Variants in SPARC observed in about 807,000 individuals in gnomAD.
SPARC encodes basement-membrane protein 40.
In SPARC, 23 loss-of-function variants were observed where a neutral mutation model predicts 37.7. The observed-to-expected ratio is 0.61, with a 90% CI of 0.44 to 0.87. The LOEUF (loss-of-function observed/expected upper bound fraction) is 0.87, where lower values mean the gene tolerates loss of function less well. Among genes scored for constraint, SPARC ranks in the 40% least tolerant of loss-of-function variants. SPARC has a pLI of 0.00. For synonymous variants in SPARC, 155 were observed against 150.8 expected, an observed-to-expected ratio of 1.03 and a Z score of -0.20; for missense variants, 312 against 389.0, an observed-to-expected ratio of 0.80 and a Z score of 1.66.
chr5:151,673,915 G>A (rs1259098807), intron 3 of SPARC, among the ~76,000 whole-genome samples: 2 of 151,184 alleles, frequency 1.3e-5, no homozygotes, highest in Non-Finnish European at 2.9e-5. Context: ...TTCACAAGAG[G>A]GTGTCAAGCC....
chr5:151,674,011 T>G (rs1439043465), intron 3 of SPARC, among the ~76,000 whole-genome samples: 1 of 118,622 alleles, frequency 8.4e-6, no homozygotes, highest in African/African-American at 3.0e-5. Context: ...TGTGTGTGCT[T>G]GTTTGTTTGT....
At chr5:151,684,261 A>G (rs1416858551) in intron 1 of SPARC, among the ~76,000 whole-genome samples, 1 of 152,150 alleles carries the variant, frequency 6.6e-6, no homozygotes, top group East Asian at 1.9e-4. Context: ...TTTGAATAAA[A>G]GCGGTATCTG....
intron 8 of SPARC, 77 bp from the exon 9 acceptor site, chr5:151,664,312 T>A (rs1042044625): frequency 7.3e-6 from 10 of 1,372,762 alleles, no homozygotes; most frequent in Non-Finnish European, 1.0e-5. Flanking sequence ...ACCGGGGAGT[T>A]AGCCTGCCCC....
intron 6 of SPARC, among the ~76,000 whole-genome samples, chr5:151,668,669 A>C (rs1036995858): frequency 6.6e-6 from 1 of 151,960 alleles, no homozygotes; most frequent in African/African-American, 2.4e-5. Flanking sequence ...TCTGGTGATA[A>C]AAACCTTAGG....
chr5:151,681,505 C>T (rs551804207), intron 1 of SPARC, among the ~76,000 whole-genome samples: 15 of 152,224 alleles, frequency 9.9e-5, no homozygotes, highest in Non-Finnish European at 1.6e-4. Context: ...AAGTCTTCTG[C>T]AGAGTCCGAT....
At position 151,674,703 on chromosome 5, in the gene SPARC, G is replaced by T. The variant is rs200048652; in HGVS notation, c.58-29C>A. 2.5e-6 allele frequency: 4 copies of T among 1,612,430 alleles called. No homozygotes were observed. The African/African-American group carries it at 4.0e-5, about 16-fold the overall frequency. On this transcript the variant is annotated intron_variant, in intron 2 of 9. Coordinates refer to ENST00000231061, the MANE Select transcript of SPARC (RefSeq NM_003118.4). ...TTGGAAAGAGAAAGTAGCGTTCAGA[G>T]GGGTCAGGAATAAGGCCAGCTTCAC... is the stretch of plus-strand genomic sequence containing the variant.
intron 1 of SPARC, among the ~76,000 whole-genome samples, chr5:151,682,565 G>A (rs536130627): frequency 2.0e-5 from 3 of 152,150 alleles, no homozygotes; most frequent in Admixed American, 1.3e-4. Flanking sequence ...CTAAAGCTTA[G>A]AGAGTCATCA....
chr5:151,676,076 C>T (rs7714314), intron 2 of SPARC, 56 bp downstream of exon 2: 1 of 1,451,932 alleles, frequency 6.9e-7, no homozygotes, highest in Non-Finnish European at 9.6e-7. Context: ...AGGCTCAGAA[C>T]CCCTGGTGCT....
At chr5:151,666,265 G>A (rs1016158805) in intron 8 of SPARC, 96 bp downstream of exon 8, 2 of 1,252,682 alleles carry the variant, frequency 1.6e-6, no homozygotes, top group Non-Finnish European at 2.2e-6. Context: ...TGGATGCCAG[G>A]GCTTGGAGCA....
At chr5:151,663,631 T>C (rs746456272) in intron 9 of SPARC, 32 bp from the exon 10 acceptor site, 12 of 1,612,758 alleles carry the variant, frequency 7.4e-6, no homozygotes, top group Non-Finnish European at 1.0e-5. Flanking sequence ...CGGTTAAAAA[T>C]AAGGCTGTGT....
intron 5 of SPARC, among the ~76,000 whole-genome samples, chr5:151,670,294 T>C (rs1351016138): frequency 6.6e-6 from 1 of 152,246 alleles, no homozygotes; most frequent in African/African-American, 2.4e-5. Context: ...ATCTGGTTTA[T>C]GCTGAACATC....
intron 8 of SPARC, among the ~76,000 whole-genome samples, chr5:151,665,932 G>A (rs1301462786): frequency 6.6e-6 from 1 of 152,156 alleles, no homozygotes; most frequent in African/African-American, 2.4e-5. Flanking sequence ...GGGTCAGTTG[G>A]GCCCTATTGG....
chr5:151,680,904 C>T (rs1760974157), intron 1 of SPARC, among the ~76,000 whole-genome samples: 1 of 152,268 alleles, frequency 6.6e-6, no homozygotes, highest in African/African-American at 2.4e-5. Context: ...GAATTCAGTG[C>T]AAAATTCCAG....
intron 1 of SPARC, among the ~76,000 whole-genome samples, chr5:151,686,143 T>TC (rs140612591): frequency 0.02 from 2,995 of 152,208 alleles, 104 homozygotes; most frequent in African/African-American, 0.068. Flanking sequence ...ATGTCTGGGT[T>TC]TTCAGATCTA....
chr5:151,671,784 C>T, intron 4 of SPARC, 90 bp from the exon 5 acceptor site: 3 of 1,544,572 alleles, frequency 1.9e-6, no homozygotes, highest in East Asian at 2.3e-5. Context: ...GCTGACAGTC[C>T]TTGACTGTGG....
intron 3 of SPARC, among the ~76,000 whole-genome samples, chr5:151,673,998 G>GTT: frequency 6.9e-6 from 1 of 145,620 alleles, no homozygotes; most frequent in Admixed American, 7.3e-5. Flanking sequence ...GTGTGTGTGT[G>GTT]TGTGTGTGTG....
At position 151,669,601 on chromosome 5, in the gene SPARC, A is replaced by T. The variant is rs570946238; in HGVS notation, c.451+63T>A. The T allele has an allele frequency of 1.9e-4, 302 of 1,563,808 alleles. 2 individuals carry two copies. In the African/African-American group the frequency reaches 3.5e-3, roughly 18 times the overall value. ...CCAGCATGGGGGTGGCAGAGACAGCATCAGTGCCAGCTCAGAGCTCTCTCC... is the reference window on the plus strand; with the variant it reads ...CCAGCATGGGGGTGGCAGAGACAGCTTCAGTGCCAGCTCAGAGCTCTCTCC... On this transcript the variant is annotated intron_variant, in intron 6 of 9. Coordinates refer to ENST00000231061, the MANE Select transcript of SPARC (RefSeq NM_003118.4).
chr5:151,684,749 A>T (rs139433377), intron 1 of SPARC, among the ~76,000 whole-genome samples: 119 of 152,142 alleles, frequency 7.8e-4, no homozygotes, highest in African/African-American at 2.9e-3. Context: ...TCTTCTACAC[A>T]CTATCTACCC....
At chr5:151,665,063 G>A (rs924973468) in intron 8 of SPARC, among the ~76,000 whole-genome samples, 2 of 152,174 alleles carry the variant, frequency 1.3e-5, no homozygotes, top group Admixed American at 1.3e-4. Flanking sequence ...ATCACACAAT[G>A]TTTGAACTGA....
Sources: gnomAD v4.1 joint callset for allele counts (sites outside exome capture counted in the v4.1 genomes callset) on GRCh38, gnomAD v4.1.1 for gene constraint, MANE v1.5 for transcripts, NCBI Gene and HGNC (gene_info 2026-07-23, HGNC 2026-07-21) for gene names.